The following SORT1 variants were observed in gnomAD, a reference collection of about 807,000 sequenced individuals.
The protein encoded by SORT1 is sortilin 1, also known as sortilin.
In SORT1, 39 loss-of-function variants were observed where a neutral mutation model predicts 101.7. The ratio of observed to expected loss-of-function variants is 0.38; its 90% CI spans 0.30 to 0.50. SORT1 has a LOEUF of 0.50. SORT1 is among the 20% of genes least tolerant of loss of function. The pLI is 0.90. For synonymous variants in SORT1, 396 were observed against 393.7 expected (o/e 1.01, Z -0.07); for missense variants, 878 against 1,040.4 (o/e 0.84, Z 2.15).
intron 6 of SORT1, among the ~76,000 whole-genome samples, chr1:109,349,976 C>T (rs1649854556): frequency 6.6e-6 from 1 of 152,198 alleles, no homozygotes; most frequent in Non-Finnish European, 1.5e-5. Flanking sequence ...AAGTTACTAA[C>T]ACAGGTGTAC....
Position 109,317,655 on chromosome 1 carries a change from G to A in SORT1, c.2141+198C>T, listed in dbSNP as rs1473442865. Among the ~76,000 whole-genome samples, 11 of 152,162 alleles carry A rather than the reference G, an allele frequency of 7.2e-5. No individual in the cohort carries two copies. In the East Asian group the frequency reaches 2.1e-3, roughly 29 times the overall value. On this transcript the variant is annotated intron_variant, in intron 16 of 19. Transcript: ENST00000256637. Reference sequence around the variant, plus strand: ...TCTGCCTCGTGGTGTTGGTGGGGTTGAGTCCTCTGACACCAAGCACTCATG... The same window carrying A: ...TCTGCCTCGTGGTGTTGGTGGGGTTAAGTCCTCTGACACCAAGCACTCATG...
In SORT1 at chr1:109,316,912, C is replaced by T. The variant is rs1477340633; in HGVS notation, c.2188G>A (p.Val730Ile). 2 of 1,611,488 alleles carry T rather than the reference C, an allele frequency of 1.2e-6. No homozygotes were observed. The highest frequency in any genetic ancestry group is 1.7e-5 in the Admixed American group (1 of 59,628). Reference sequence around the variant, plus strand: ...TTTTTCAAGTCTTTTACTTCTCGAACTGGATTTACCCCACCCTGGCATTTG... The same window carrying T: ...TTTTTCAAGTCTTTTACTTCTCGAATTGGATTTACCCCACCCTGGCATTTG... ...GDKCQGGVNP[V>I]REVKDLKKKC... Residue 730 changes from valine (V) to isoleucine (I), a missense_variant, in exon 17 of 20, where the codon GTT becomes ATT. Val to Ile is a conservative substitution (Grantham distance 29). This residue lies in a region of SORT1 where 684 missense variants were observed against 894.5 expected (regional missense o/e 0.76). Transcript: ENST00000256637.
intron 3 of SORT1, among the ~76,000 whole-genome samples, chr1:109,360,139 C>T (rs1221262682): frequency 6.6e-6 from 1 of 152,174 alleles, no homozygotes; most frequent in Non-Finnish European, 1.5e-5. Context: ...ACCTCGGCCT[C>T]CCAAAGGCAA....
chr1:109,376,131 A>C (rs1404289752), intron 1 of SORT1, among the ~76,000 whole-genome samples: 1 of 152,126 alleles, frequency 6.6e-6, no homozygotes, highest in Non-Finnish European at 1.5e-5. Context: ...TCACGAGGTC[A>C]GGAGATCGAG....
intron 5 of SORT1, among the ~76,000 whole-genome samples, chr1:109,353,692 T>C (rs1301929962): frequency 7.9e-5 from 12 of 152,214 alleles, no homozygotes; most frequent in Non-Finnish European, 1.5e-5. Flanking sequence ...TGTTTCTATC[T>C]GATGAGAGAA....
At chr1:109,380,813 CAAAAAAAAAAAAAAAA>C (rs60568166) in intron 1 of SORT1, among the ~76,000 whole-genome samples, 2 of 49,220 alleles carry the variant, frequency 4.1e-5, no homozygotes, top group African/African-American at 9.6e-5. Context: ...CCTGTCGCCA[CAAAAAAAAAAAAAAAA>C]AAAAAAAAAA....
At position 109,336,708 on chromosome 1, in the gene SORT1, C is replaced by T. The variant is rs570520157; in HGVS notation, c.1265-362G>A. Among the ~76,000 whole-genome samples the T allele has an allele frequency of 2.3e-3, 351 of 151,684 alleles. 1 individual carries two copies. The highest frequency in any genetic ancestry group is 1.0e-3 in the Non-Finnish European group (71 of 67,928). On this transcript the variant is annotated intron_variant, in intron 10 of 19. Transcript: ENST00000256637. ...CCTGTAATCCCAGCTACTCGGGAGG[C>T]CGGGACAGGAGAATCACTTGAACCC...
chr1:109,330,620 T>C (rs1648399362), intron 11 of SORT1, among the ~76,000 whole-genome samples: 1 of 151,284 alleles, frequency 6.6e-6, no homozygotes, highest in African/African-American at 2.4e-5. Context: ...GAGGAAATAA[T>C]AACAGAGCAG....
At chr1:109,343,247 G>A (rs891959770) in intron 8 of SORT1, among the ~76,000 whole-genome samples, 2 of 152,166 alleles carry the variant, frequency 1.3e-5, no homozygotes, top group African/African-American at 4.8e-5. Context: ...TGTATTTACT[G>A]CCTACTTCTT....
rs1647258952 is a variant in SORT1, at chr1:109,316,937, G to A, written c.2163C>T (p.Asp721=). 1.2e-6 allele frequency: 2 copies of A among 1,609,686 alleles called. No individual in the cohort carries two copies. The highest frequency in any genetic ancestry group is 4.5e-5 in the East Asian group (2 of 44,388). Residue 721 remains aspartate, a synonymous_variant, in exon 17 of 20, where the codon GAC becomes GAT. Coordinates refer to ENST00000256637, the MANE Select transcript of SORT1 (RefSeq NM_002959.7). ...CTGGATTTACCCCACCCTGGCATTTGTCCCCTGGAATTTTCCGGTACCTAC... is the reference window on the plus strand; with the variant it reads ...CTGGATTTACCCCACCCTGGCATTTATCCCCTGGAATTTTCCGGTACCTAC... ...TTNGYRKIPG[D]KCQGGVNPVR...
chr1:109,330,906 C>T (rs1648418691), intron 11 of SORT1, among the ~76,000 whole-genome samples: 1 of 152,058 alleles, frequency 6.6e-6, no homozygotes, highest in South Asian at 2.1e-4. Flanking sequence ...CTTACCAAGA[C>T]TGTATCATGA....
At chr1:109,322,841 G>C in intron 15 of SORT1, 91 bp downstream of exon 15, 2 of 1,071,706 alleles carry the variant, frequency 1.9e-6, no homozygotes, top group South Asian at 1.6e-5. Flanking sequence ...CACCCGGCTG[G>C]ATTTCAATAT....
intron 11 of SORT1, among the ~76,000 whole-genome samples, chr1:109,334,662 A>G (rs1169799332): frequency 6.6e-6 from 1 of 152,162 alleles, no homozygotes; most frequent in East Asian, 1.9e-4. Flanking sequence ...AAGAGAATAG[A>G]TCCTAAATGT....
chr1:109,364,495 C>T (rs1042035947), intron 3 of SORT1, among the ~76,000 whole-genome samples: 1 of 151,740 alleles, frequency 6.6e-6, no homozygotes, highest in Non-Finnish European at 1.5e-5. Context: ...TTAGTTACAG[C>T]GAAAAAAACA....
chr1:109,397,677 G>A lies in SORT1; in HGVS notation c.216C>T (p.Gly72=), dbSNP rs1164616296. Residue 72 remains glycine, a synonymous_variant, in exon 1 of 20, where the codon GGC becomes GGT. Coordinates refer to ENST00000256637, the MANE Select transcript of SORT1 (RefSeq NM_002959.7). The part of the protein sequence containing the change: ...AAAAGGAFPR[G]GRWRRSAPGE... Reference sequence around the variant, plus strand: ...CCGGCGCGCTGCGACGCCAACGGCCGCCGCGGGGAAACGCGCCCCCGGCTG... The same window carrying A: ...CCGGCGCGCTGCGACGCCAACGGCCACCGCGGGGAAACGCGCCCCCGGCTG... The A allele has an allele frequency of 8.3e-7, 1 of 1,204,416 alleles. No homozygotes were observed. Among genetic ancestry groups the A allele is most frequent in the Non-Finnish European group, 1.0e-6 (1 of 969,026 alleles). 74.6% of individuals were successfully genotyped at this position (1,204,416 alleles called of 1,614,324 possible). A position where few individuals can be genotyped will look rare whatever the true frequency, so the allele number is the denominator to read the frequency against.
chr1:109,315,140 T>C (rs986413737), intron 17 of SORT1, among the ~76,000 whole-genome samples: 4 of 152,154 alleles, frequency 2.6e-5, no homozygotes, highest in Admixed American at 6.5e-5. Flanking sequence ...ACTGTAACAG[T>C]AGGCTGAATG....
intron 3 of SORT1, among the ~76,000 whole-genome samples, chr1:109,363,549 C>A (rs1236654857): frequency 6.6e-6 from 1 of 152,030 alleles, no homozygotes; most frequent in Non-Finnish European, 1.5e-5. Flanking sequence ...TTCAATAATT[C>A]TTTTTCATGG....
At chr1:109,361,102 A>C (rs1650697119) in intron 3 of SORT1, among the ~76,000 whole-genome samples, 1 of 152,120 alleles carries the variant, frequency 6.6e-6, no homozygotes, top group Non-Finnish European at 1.5e-5. Flanking sequence ...GAATTTTCCA[A>C]ATCTTTTAGT....
At chr1:109,388,426 A>C (rs1358860099) in intron 1 of SORT1, among the ~76,000 whole-genome samples, 1 of 151,932 alleles carries the variant, frequency 6.6e-6, no homozygotes, top group Non-Finnish European at 1.5e-5. Context: ...TTTTTTATAC[A>C]GATGGGGTCT....
Sources: allele counts gnomAD v4.1 joint callset (sites outside exome capture counted in the v4.1 genomes callset), GRCh38; gene constraint gnomAD v4.1.1; regional missense constraint gnomAD v4.1.1; transcripts MANE v1.5; gene names NCBI Gene and HGNC (gene_info 2026-07-23, HGNC 2026-07-21).